The following MSRB3 variants were observed in gnomAD, a reference collection of about 807,000 sequenced individuals.
MSRB3 encodes the protein methionine sulfoxide reductase B3, also known as methionine-R-sulfoxide reductase B3.
In MSRB3, 13 loss-of-function variants were observed where a neutral mutation model predicts 21.0. The ratio of observed to expected loss-of-function variants is 0.62; its 90% CI spans 0.40 to 0.98. The LOEUF (loss-of-function observed/expected upper bound fraction) is 0.98, where lower values mean the gene tolerates loss of function less well. Among genes scored for constraint, MSRB3 ranks in the 50% least tolerant of loss-of-function variants. The probability of loss-of-function intolerance (pLI) is 0.00; values close to 1 mark genes in which losing one functional copy is unlikely to be tolerated. For synonymous variants in MSRB3, 87 were observed against 88.6 expected (o/e 0.98, Z 0.10); for missense variants, 199 against 230.3 (o/e 0.86, Z 0.88).
At chr12:65,445,173 T>C (rs1494510) in intron 5 of MSRB3, among the ~76,000 whole-genome samples, 82,186 of 151,820 alleles carry the variant, frequency 0.54, 22,645 homozygotes, top group Non-Finnish European at 0.62. Flanking sequence ...CTGCATGTAC[T>C]GCAATCACCA....
At chr12:65,374,799 A>T (rs2136544611) in intron 5 of MSRB3, among the ~76,000 whole-genome samples, 1 of 152,286 alleles carries the variant, frequency 6.6e-6, no homozygotes, top group East Asian at 1.9e-4. Flanking sequence ...CTTTTACAGG[A>T]TCCTATTCAA....
chr12:65,289,898 A>G (rs1488567501), intron 1 of MSRB3, among the ~76,000 whole-genome samples: 2 of 152,210 alleles, frequency 1.3e-5, no homozygotes, highest in African/African-American at 4.8e-5. Flanking sequence ...GTAGTATTCC[A>G]TGATGTATGT....
chr12:65,463,046 T>C, intron 6 of MSRB3, 109 bp from the exon 7 acceptor site: 2 of 1,330,088 alleles, frequency 1.5e-6, no homozygotes, highest in Admixed American at 1.7e-5. Context: ...CACGATGGTT[T>C]CCTTCATTTC....
intron 4 of MSRB3, among the ~76,000 whole-genome samples, chr12:65,355,537 CA>C (rs1877332952): frequency 1.3e-5 from 2 of 151,746 alleles, no homozygotes; most frequent in African/African-American, 2.4e-5. Context: ...TTTGTTCATT[CA>C]TGTCTTGATT....
At chr12:65,313,007 G>T (rs1179173680) in intron 2 of MSRB3, among the ~76,000 whole-genome samples, 1 of 152,012 alleles carries the variant, frequency 6.6e-6, no homozygotes, top group Non-Finnish European at 1.5e-5. Context: ...GGATGTCATA[G>T]GTATAAATCA....
At chr12:65,440,790 A>G (rs1882342149) in intron 5 of MSRB3, among the ~76,000 whole-genome samples, 1 of 151,954 alleles carries the variant, frequency 6.6e-6, no homozygotes, top group African/African-American at 2.4e-5. Context: ...TCTGAAATAT[A>G]TACATTGATT....
chr12:65,454,448 A>C (rs112960670), intron 6 of MSRB3, among the ~76,000 whole-genome samples: 249 of 152,300 alleles, frequency 1.6e-3, no homozygotes, highest in African/African-American at 5.6e-3. Context: ...TGAAGATTTC[A>C]TTATGTGGCT....
intron 2 of MSRB3, among the ~76,000 whole-genome samples, chr12:65,323,386 TCTATCTCAA>T (rs1874812569): frequency 6.6e-6 from 1 of 152,216 alleles, no homozygotes; most frequent in African/African-American, 2.4e-5. Flanking sequence ...ATGGAACTGA[TCTATCTCAA>T]AGTTACTCTG....
intron 5 of MSRB3, among the ~76,000 whole-genome samples, chr12:65,398,546 A>G (rs550247644): frequency 1.3e-5 from 2 of 152,200 alleles, no homozygotes; most frequent in African/African-American, 2.4e-5. Flanking sequence ...ATTTTCTCCC[A>G]TTCTGTAGGT....
intron 1 of MSRB3, 65 bp downstream of exon 1, chr12:65,278,930 T>A (rs1046228274): frequency 4.6e-6 from 7 of 1,535,618 alleles, no homozygotes; most frequent in Non-Finnish European, 6.2e-6. Flanking sequence ...CCTGCCACGT[T>A]AGGGTGTGAC....
chr12:65,313,708 C>T (rs1874125789), intron 2 of MSRB3, among the ~76,000 whole-genome samples: 2 of 152,006 alleles, frequency 1.3e-5, no homozygotes, highest in South Asian at 2.1e-4. Flanking sequence ...CAGATTAATG[C>T]CCTCAGTTCT....
rs986408467 is a variant in MSRB3, at chr12:65,418,622, C to T, written c.293-35106C>T. On this transcript the variant is annotated intron_variant, in intron 5 of 6. Transcript: ENST00000308259. ...TTCTCGTAGTTTTACAGTTTCAGAT[C>T]TTATTTTTACATCTCTAATCCATTT... The T allele has an allele frequency of 3.6e-5, 21 of 585,902 alleles. No individual in the cohort carries two copies. In the Admixed American group the frequency reaches 3.9e-4, roughly 11 times the overall value. The allele number at this position is 585,902 out of a possible 1,614,324, so 36.3% of individuals were successfully genotyped here. A position where few individuals can be genotyped will look rare whatever the true frequency, so the allele number is the denominator to read the frequency against.
intron 4 of MSRB3, among the ~76,000 whole-genome samples, chr12:65,349,271 G>A (rs1176193638): frequency 6.6e-6 from 1 of 151,900 alleles, no homozygotes; most frequent in Middle Eastern, 3.2e-3. Flanking sequence ...GTATTCCATG[G>A]TGTATATGTG....
At chr12:65,339,482 A>C (rs897410390) in intron 4 of MSRB3, among the ~76,000 whole-genome samples, 1 of 152,188 alleles carries the variant, frequency 6.6e-6, no homozygotes, top group Non-Finnish European at 1.5e-5. Context: ...AGATACTTCC[A>C]CTGTGGGCTA....
At chr12:65,433,882 A>C (rs943714567) in intron 5 of MSRB3, among the ~76,000 whole-genome samples, 2 of 151,700 alleles carry the variant, frequency 1.3e-5, no homozygotes, top group Non-Finnish European at 2.9e-5. Context: ...GCCTCACTAG[A>C]TGTGGCAGTT....
At chr12:65,319,691 G>A (rs1238380821) in intron 2 of MSRB3, among the ~76,000 whole-genome samples, 2 of 152,114 alleles carry the variant, frequency 1.3e-5, no homozygotes, top group African/African-American at 4.8e-5. Context: ...ATAAATAGTT[G>A]TAGAAAGTAT....
chr12:65,292,091 T>C (rs1005850741), intron 1 of MSRB3, among the ~76,000 whole-genome samples: 2 of 152,194 alleles, frequency 1.3e-5, no homozygotes, highest in Non-Finnish European at 1.5e-5. Flanking sequence ...AAGAATCATC[T>C]ATACTATTCC....
At chr12:65,293,840 G>A (rs1872796113) in intron 1 of MSRB3, among the ~76,000 whole-genome samples, 1 of 152,188 alleles carries the variant, frequency 6.6e-6, no homozygotes, top group Non-Finnish European at 1.5e-5. Flanking sequence ...CCATTTTGGG[G>A]AATGAGAGGC....
chr12:65,287,087 A>G (rs1432835251), intron 1 of MSRB3, among the ~76,000 whole-genome samples: 2 of 142,350 alleles, frequency 1.4e-5, no homozygotes, highest in African/African-American at 5.4e-5. Context: ...CAGTCTTTGT[A>G]TAAATTAGAT....
Sources: allele counts gnomAD v4.1 joint callset (sites outside exome capture counted in the v4.1 genomes callset), GRCh38; gene constraint gnomAD v4.1.1; transcripts MANE v1.5; gene names NCBI Gene and HGNC (gene_info 2026-07-23, HGNC 2026-07-21).